Variants in LMNB2 observed in about 807,000 individuals in gnomAD.
LMNB2 encodes the protein lamin B2, also known as lamin-B2.
A neutral mutation model predicts 69.3 loss-of-function variants in LMNB2; 17 were observed. That is an observed-to-expected ratio of 0.25 (90% CI 0.17 to 0.37). LMNB2 has a LOEUF of 0.37. Ranked by LOEUF, LMNB2 falls within the 10% of genes least tolerant of loss-of-function variation. The probability of loss-of-function intolerance (pLI) is 1.00; values close to 1 mark genes in which losing one functional copy is unlikely to be tolerated. For missense variants in LMNB2, 789 were observed against 883.6 expected, an observed-to-expected ratio of 0.89 and a Z score of 1.36; for synonymous variants, 397 against 389.3, an observed-to-expected ratio of 1.02 and a Z score of -0.23.
At chr19:2,445,291 C>G (rs1342306138) in intron 1 of LMNB2, among the ~76,000 whole-genome samples, 4 of 151,992 alleles carry the variant, frequency 2.6e-5, no homozygotes, top group African/African-American at 9.7e-5. Context: ...CAAGATCCCC[C>G]ACTTCTGCCA....
In LMNB2 at chr19:2,431,786, G is replaced by A. The variant is rs372581793; in HGVS notation, c.1707C>T (p.Gly569=). 347 of 1,613,648 alleles carry A rather than the reference G, an allele frequency of 2.2e-4. No individual in the cohort carries two copies. The highest frequency in any genetic ancestry group is 2.8e-4 in the Non-Finnish European group (331 of 1,179,906). ...CCCCCAAGCCACACACACCCACCTC[G>A]CCATCCGCGTTAACCAGGACGGTGC... ...SFRTVLVNAD[G]EEVAMRTVKK... The change falls in exon 10 of 12, where the codon GGC becomes GGT. Residue 569 remains glycine, a synonymous_variant. Coordinates refer to ENST00000325327, the MANE Select transcript of LMNB2 (RefSeq NM_032737.4).
chr19:2,439,100 TCTCGAACTCCTGGG>T (rs1971863377), intron 2 of LMNB2, among the ~76,000 whole-genome samples: 1 of 141,174 alleles, frequency 7.1e-6, no homozygotes, highest in African/African-American at 2.6e-5. Context: ...CACAGGCTGG[TCTCGAACTCCTGGG>T]CTCAAGGAAT....
chr19:2,438,214 G>T lies in LMNB2; in HGVS notation c.633C>A (p.Arg211=). 1.9e-6 allele frequency: 3 copies of T among 1,614,064 alleles called. No individual in the cohort carries two copies. Among genetic ancestry groups the T allele is most frequent in the Non-Finnish European group, 2.5e-6 (3 of 1,180,036 alleles). ...ETLMRVDLEN[R]CQSLQEELDF... is the part of the protein sequence containing the mutation. ...CCAGCTCCTCCTGCAGGCTCTGGCA[G>T]CGGTTCTCCAGGTCCACACGCATCA... is the stretch of plus-strand genomic sequence containing the variant. Residue 211 remains arginine (R), a synonymous_variant, in exon 4 of 12, where the codon CGC becomes CGA. Coordinates refer to ENST00000325327, the MANE Select transcript of LMNB2 (RefSeq NM_032737.4).
intron 2 of LMNB2, among the ~76,000 whole-genome samples, chr19:2,442,963 C>A (rs1019694348): frequency 6.6e-6 from 1 of 152,220 alleles, no homozygotes; most frequent in Non-Finnish European, 1.5e-5. Context: ...CCCATCTGCA[C>A]GGTGTAGTTC....
At position 2,429,285 on chromosome 19, in the gene LMNB2, G is replaced by A. The variant is rs1355129696; in HGVS notation, c.*1626C>T. 2 of 152,260 alleles carry A rather than the reference G, an allele frequency of 1.3e-5. No homozygotes were observed. The highest frequency in any genetic ancestry group is 2.1e-4 in the South Asian group (1 of 4,828). The allele number at this position is 152,260 out of a possible 1,614,324, so 9.4% of individuals were successfully genotyped here. On this transcript the variant is annotated 3_prime_UTR_variant, in exon 12 of 12. Coordinates refer to ENST00000325327, the MANE Select transcript of LMNB2 (RefSeq NM_032737.4). ...GCATTCCCACTTCCAGCGGCTGGCAGAGGGTATCCCCGGGGCAGGCAAAGC... is the reference window on the plus strand; with the variant it reads ...GCATTCCCACTTCCAGCGGCTGGCAAAGGGTATCCCCGGGGCAGGCAAAGC...
intron 2 of LMNB2, among the ~76,000 whole-genome samples, chr19:2,440,493 C>T (rs1288549683): frequency 2.0e-5 from 3 of 152,302 alleles, no homozygotes; most frequent in Non-Finnish European, 2.9e-5. Context: ...CCCAGCCTTA[C>T]AGATAGCTAT....
Position 2,447,308 on chromosome 19 carries a change from G to A in LMNB2, c.265-2768C>T, listed in dbSNP as rs1168252943. 6.6e-6 allele frequency among the ~76,000 whole-genome samples: 1 copy of A among 152,152 alleles called. No homozygotes were observed. Among genetic ancestry groups the A allele is most frequent in the Non-Finnish European group, 1.5e-5 (1 of 68,036 alleles). On this transcript the variant is annotated intron_variant, in intron 1 of 11. Coordinates refer to ENST00000325327, the MANE Select transcript of LMNB2 (RefSeq NM_032737.4). This position sits in a 1 kb window ranked among gnomAD's most constrained non-coding sequence, Gnocchi z 4.4. ...CCCCTTGAGGATGTCACACTCATGA[G>A]ACGCCAGACACAAAACGCCACACAG...
intron 1 of LMNB2, among the ~76,000 whole-genome samples, chr19:2,446,464 G>T (rs539337198): frequency 3.2e-4 from 48 of 152,252 alleles, no homozygotes; most frequent in Admixed American, 1.2e-3. Context: ...TACTAATCCT[G>T]CTGCAACCAC....
Position 2,433,821 on chromosome 19 carries a change from G to C in LMNB2, c.1482+5C>G, listed in dbSNP as rs1971781039. On this transcript the variant is annotated splice_donor_5th_base_variant and intron_variant, in intron 8 of 11. Coordinates refer to ENST00000325327, the MANE Select transcript of LMNB2 (RefSeq NM_032737.4). The stretch of plus-strand genomic sequence containing the variant: ...TTACCCCCATGCCCCGGTCTTTCCG[G>C]TCACCTTGTCCGAGTTGTTCTTGAG... The C allele has an allele frequency of 6.2e-7, 1 of 1,613,340 alleles. No homozygotes were observed. Among genetic ancestry groups the C allele is most frequent in the African/African-American group, 1.3e-5 (1 of 75,038 alleles).
At chr19:2,451,836 T>TG (rs35666386) in intron 1 of LMNB2, among the ~76,000 whole-genome samples, 22,705 of 151,954 alleles carry the variant, frequency 0.15, 1,812 homozygotes, top group Middle Eastern at 0.18. Context: ...AACACCGGCT[T>TG]GGGGTCACTT....
In LMNB2 at chr19:2,430,732, C is replaced by T. The variant is rs1005886285; in HGVS notation, c.*179G>A. 21 of 690,958 alleles carry T rather than the reference C, an allele frequency of 3.0e-5. No homozygotes were observed. The highest frequency in any genetic ancestry group is 4.3e-5 in the Non-Finnish European group (16 of 371,780). 42.8% of individuals were successfully genotyped at this position (690,958 alleles called of 1,614,324 possible). A position where few individuals can be genotyped will look rare whatever the true frequency, so the allele number is the denominator to read the frequency against. The stretch of plus-strand genomic sequence containing the variant: ...CTCCGGGGCAGCGGCGAAGTGGCAG[C>T]GAAGTGAGGCTGGAGGAGACCCGCC... On this transcript the variant is annotated 3_prime_UTR_variant, in exon 12 of 12. Coordinates refer to ENST00000325327, the MANE Select transcript of LMNB2 (RefSeq NM_032737.4).
chr19:2,438,057 G>C, intron 4 of LMNB2, 106 bp downstream of exon 4: 2 of 1,552,724 alleles, frequency 1.3e-6, no homozygotes, highest in East Asian at 2.2e-5. Context: ...AGAGCCGTGG[G>C]AGGGACCCCG....
chr19:2,431,311 C>T (rs1276208719), intron 11 of LMNB2, among the ~76,000 whole-genome samples: 1 of 152,150 alleles, frequency 6.6e-6, no homozygotes, highest in Non-Finnish European at 1.5e-5. Context: ...CAGGGGACCC[C>T]CTGGCCAGCT....
rs371773627 is a variant in LMNB2 at position 2,430,900 on chromosome 19, G to C, written c.*11C>G. On this transcript the variant is annotated 3_prime_UTR_variant, in exon 12 of 12. Transcript: ENST00000325327. ...TGGGTAAAGAAAGGTGTGTGGATGA[G>C]GAGTGTGGGTTCACATCACGTAGCA... 1.9e-6 allele frequency: 3 copies of C among 1,550,772 alleles called. No individual in the cohort carries two copies. Among genetic ancestry groups the C allele is most frequent in the African/African-American group, 2.7e-5 (2 of 73,568 alleles).
rs756410909 is a variant in LMNB2, at chr19:2,451,196, C to T, written c.264+5474G>A. ...TCCGGGAGGCAGAGGTTGAAGTGAG[C>T]GGAGATTGTGCCACTGCATTCCAGC... On this transcript the variant is annotated intron_variant, in intron 1 of 11. Transcript: ENST00000325327. 1.2e-4 allele frequency among the ~76,000 whole-genome samples: 18 copies of T among 152,234 alleles called. No individual in the cohort carries two copies. The South Asian group carries it at 1.7e-3, about 14-fold the overall frequency.
chr19:2,435,041 C>T lies in LMNB2; in HGVS notation c.815G>A (p.Arg272Gln), dbSNP rs142557433. The change falls in exon 5 of 12, where the codon CGG becomes CAG. Residue 272 changes from arginine to glutamine, a missense_variant. By Grantham distance (43) the Arg-to-Gln change is conservative. Around this residue, in one of 3 missense-constraint regions of LMNB2, gnomAD observed 609 missense variants for 630.9 expected, o/e 0.97. Coordinates refer to ENST00000325327, the MANE Select transcript of LMNB2 (RefSeq NM_032737.4). The stretch of plus-strand genomic sequence containing the variant: ...CTGCTCCAGCTCCAGCTTGTAGAGC[C>T]GCACTTGCTCGTCGTGCTGGCTCCG... ...ELRSQHDEQV[R>Q]LYKLELEQTY... 252 of 1,610,378 alleles carry T rather than the reference C, an allele frequency of 1.6e-4. 1 individual carries two copies. The African/African-American group carries it at 2.9e-3, about 18-fold the overall frequency.
intron 11 of LMNB2, 21 bp from the exon 12 acceptor site, chr19:2,430,973 A>T: frequency 6.3e-7 from 1 of 1,598,576 alleles, no homozygotes; most frequent in Non-Finnish European, 8.6e-7. Context: ...GAAGGAAGGA[A>T]GGTCGGCCAT....
At chr19:2,445,455 G>C (rs1004005700) in intron 1 of LMNB2, among the ~76,000 whole-genome samples, 1 of 152,010 alleles carries the variant, frequency 6.6e-6, no homozygotes, top group African/African-American at 2.4e-5. Flanking sequence ...GTGGTGGCTC[G>C]GAGGCTCCAG....
At chr19:2,451,602 C>G (rs962864954) in intron 1 of LMNB2, among the ~76,000 whole-genome samples, 2 of 152,220 alleles carry the variant, frequency 1.3e-5, no homozygotes, top group African/African-American at 2.4e-5. Context: ...GGGCTGGGGA[C>G]AGGCTGGGCC....
Sources: allele counts gnomAD v4.1 joint callset (sites outside exome capture counted in the v4.1 genomes callset), GRCh38; gene constraint gnomAD v4.1.1; regional missense constraint gnomAD v4.1.1; non-coding constraint Gnocchi (gnomAD v3.1); transcripts MANE v1.5; gene names NCBI Gene and HGNC (gene_info 2026-07-23, HGNC 2026-07-21).